The following CACNA1B variants were observed in gnomAD, a reference collection of about 807,000 sequenced individuals.
The protein encoded by CACNA1B is calcium voltage-gated channel subunit alpha1 B.
In CACNA1B, 70 loss-of-function variants were observed where a neutral mutation model predicts 247.2. That is an observed-to-expected ratio of 0.28 (90% CI 0.23 to 0.35). CACNA1B has a LOEUF of 0.35. Ranked by LOEUF, CACNA1B falls within the 10% of genes least tolerant of loss-of-function variation. CACNA1B has a pLI of 1.00. For missense variants in CACNA1B, 2,367 were observed against 3,197.4 expected (o/e 0.74, Z 6.26); for synonymous variants, 1,231 against 1,294.4 (o/e 0.95, Z 1.05).
chr9:138,059,511 GC>G lies in CACNA1B; in HGVS notation c.4585-138del. The G allele has an allele frequency of 1.5e-6, 1 of 653,244 alleles. No individual in the cohort carries two copies. Among genetic ancestry groups the G allele is most frequent in the East Asian group, 2.6e-5 (1 of 39,104 alleles). The allele number at this position is 653,244 out of a possible 1,614,324, so 40.5% of individuals were successfully genotyped here. A position where few individuals can be genotyped will look rare whatever the true frequency, so the allele number is the denominator to read the frequency against. ...CTGCTTACCTCTGGCCTTGTGCTGT[GC>G]CCCCTGGGGTGGCCTGTCTGCCCTG... On this transcript the variant is annotated intron_variant, in intron 30 of 46. Coordinates refer to ENST00000371372, the MANE Select transcript of CACNA1B (RefSeq NM_000718.4). This position sits in a 1 kb window ranked among gnomAD's most constrained non-coding sequence, Gnocchi z 4.2.
chr9:137,893,167 T>C (rs1189339885), intron 3 of CACNA1B, among the ~76,000 whole-genome samples: 2 of 151,002 alleles, frequency 1.3e-5, no homozygotes, highest in Non-Finnish European at 2.9e-5. Context: ...GGTGCACAGC[T>C]GCTAGAAGTG....
intron 36 of CACNA1B, among the ~76,000 whole-genome samples, chr9:138,096,147 G>A (rs1466990963): frequency 1.3e-5 from 2 of 152,148 alleles, no homozygotes; most frequent in Non-Finnish European, 2.9e-5. Context: ...TTGTTGGCCC[G>A]TAGAGTCCAA....
chr9:137,878,240 GC>G, intron 1 of CACNA1B, 23 bp downstream of exon 1: 3 of 1,233,326 alleles, frequency 2.4e-6, no homozygotes, highest in Non-Finnish European at 3.1e-6. Flanking sequence ...GCGGGGCCGG[GC>G]GGGGCCGGGC....
In CACNA1B at chr9:138,022,995, G is replaced by C; in HGVS notation, c.2268-16G>C. On this transcript the variant is annotated splice_polypyrimidine_tract_variant and intron_variant, in intron 18 of 46. Transcript: ENST00000371372. Reference sequence around the variant, plus strand: ...GGCGGCAGACGGGGCCGCGCTCACCGCCAGTCTCCCCGCAGCAGGCAGCAG... The same window carrying C: ...GGCGGCAGACGGGGCCGCGCTCACCCCCAGTCTCCCCGCAGCAGGCAGCAG... 1 of 1,481,464 alleles carries C rather than the reference G, an allele frequency of 6.8e-7. No individual in the cohort carries two copies. Among genetic ancestry groups the C allele is most frequent in the Non-Finnish European group, 8.9e-7 (1 of 1,123,372 alleles). 91.8% of individuals were successfully genotyped at this position (1,481,464 alleles called of 1,614,324 possible).
At chr9:138,063,913 G>T (rs918137628) in intron 31 of CACNA1B, among the ~76,000 whole-genome samples, 4 of 152,190 alleles carry the variant, frequency 2.6e-5, no homozygotes, top group African/African-American at 7.2e-5. Flanking sequence ...TGGCTGGGGG[G>T]TGTCGGTGTT....
At position 137,971,689 on chromosome 9, in the gene CACNA1B, G is replaced by C; in HGVS notation, c.1543+97G>C. The C allele has an allele frequency of 1.0e-6, 1 of 1,002,856 alleles. No homozygotes were observed. Among genetic ancestry groups the C allele is most frequent in the Non-Finnish European group, 1.5e-6 (1 of 667,258 alleles). The allele number at this position is 1,002,856 out of a possible 1,614,324, so 62.1% of individuals were successfully genotyped here. A position where few individuals can be genotyped will look rare whatever the true frequency, so the allele number is the denominator to read the frequency against. On this transcript the variant is annotated intron_variant, in intron 11 of 46. Transcript: ENST00000371372. This position sits in a 1 kb window ranked among gnomAD's most constrained non-coding sequence, Gnocchi z 4.4. ...GCCCTGGGGCTACCCCAGGTGGGAC[G>C]GGACCCACCCCCATGTTGCTCAAAG...
At chr9:138,108,691 C>T (rs886783710) in intron 39 of CACNA1B, among the ~76,000 whole-genome samples, 5 of 151,908 alleles carry the variant, frequency 3.3e-5, no homozygotes, top group African/African-American at 1.2e-4. Context: ...CTCTGTTGCC[C>T]AGGCTGGAGT....
rs113560592 is a variant in CACNA1B at position 137,930,028 on chromosome 9, C to T, written c.966+12597C>T. On this transcript the variant is annotated intron_variant, in intron 6 of 46. Coordinates refer to ENST00000371372, the MANE Select transcript of CACNA1B (RefSeq NM_000718.4). ...CCCAGACTGGTCTTGAACTCCTGGC[C>T]TCAAGTGATCCTCCCACCTTGGCCT... Among the ~76,000 whole-genome samples, 1,186 of 152,246 alleles carry T rather than the reference C, an allele frequency of 7.8e-3. 6 individuals are homozygous for T. The highest frequency in any genetic ancestry group is 0.012 in the South Asian group (60 of 4,822).
intron 36 of CACNA1B, among the ~76,000 whole-genome samples, chr9:138,084,269 C>G (rs1960622660): frequency 6.6e-6 from 1 of 151,250 alleles, no homozygotes; most frequent in African/African-American, 2.4e-5. Flanking sequence ...CTCTGAGCAC[C>G]TGCACCTGGA....
rs1958567925 is a variant in CACNA1B, at chr9:138,000,820, C to T, written c.1975-5947C>T. The stretch of plus-strand genomic sequence containing the variant: ...CCAGTGAAAGTAGATTCATTCAAAT[C>T]TCATGGCATAAAGCTTCCATAATAT... On this transcript the variant is annotated intron_variant, in intron 15 of 46. Coordinates refer to ENST00000371372, the MANE Select transcript of CACNA1B (RefSeq NM_000718.4). Among the ~76,000 whole-genome samples, 3 of 152,162 alleles carry T rather than the reference C, an allele frequency of 2.0e-5. No individual in the cohort carries two copies. In the South Asian group the frequency reaches 6.2e-4, roughly 32 times the overall value.
intron 3 of CACNA1B, among the ~76,000 whole-genome samples, chr9:137,884,966 C>CCCCT (rs1554919682): frequency 4.9e-4 from 53 of 107,720 alleles, no homozygotes; most frequent in South Asian, 6.5e-4. Context: ...TTCCCCCCCC[C>CCCCT]CCTCCTCCCA....
rs181038379 is a variant in CACNA1B at position 138,049,304 on chromosome 9, G to A, written c.3699G>A (p.Ala1233=). ...TTGTGGTCAGTGGCGCCCTGGTGGCGTTTGCTTTCTCGTAAGTAACGTTCG... is the reference window on the plus strand; with the variant it reads ...TTGTGGTCAGTGGCGCCCTGGTGGCATTTGCTTTCTCGTAAGTAACGTTCG... The part of the protein sequence containing the change: ...DFIVVSGALV[A]FAFSGSKGKD... Residue 1233 remains alanine, a synonymous_variant, in exon 24 of 47, where the codon GCG becomes GCA. Coordinates refer to ENST00000371372, the MANE Select transcript of CACNA1B (RefSeq NM_000718.4). 7.7e-5 allele frequency: 123 copies of A among 1,606,752 alleles called. 2 individuals carry two copies. Among genetic ancestry groups the A allele is most frequent in the South Asian group, 7.6e-4 (69 of 90,940 alleles).
At chr9:138,002,726 T>C (rs925762075) in intron 15 of CACNA1B, among the ~76,000 whole-genome samples, 2 of 151,892 alleles carry the variant, frequency 1.3e-5, no homozygotes, top group African/African-American at 2.4e-5. Context: ...GAAAAAAATA[T>C]ATATTATGAA....
intron 32 of CACNA1B, among the ~76,000 whole-genome samples, chr9:138,071,809 CTG>C (rs1267993922): frequency 3.3e-5 from 5 of 152,158 alleles, no homozygotes; most frequent in African/African-American, 1.2e-4. Flanking sequence ...CACTGCCTGA[CTG>C]TGCTTTGAGC....
chr9:137,955,680 C>T lies in CACNA1B; in HGVS notation c.1071-18C>T. ...CTTGCACTCACCTGATCTTGCTTTT[C>T]CGGCCCCTGCATGGTAGGGAGTTTG... On this transcript the variant is annotated intron_variant, in intron 7 of 46. Transcript: ENST00000371372. This position sits in a 1 kb window ranked among gnomAD's most constrained non-coding sequence, Gnocchi z 6.9. 6.4e-7 allele frequency: 1 copy of T among 1,574,318 alleles called. No individual in the cohort carries two copies. The highest frequency in any genetic ancestry group is 8.7e-7 in the Non-Finnish European group (1 of 1,148,226).
At chr9:138,062,760 G>T (rs1959772567) in intron 31 of CACNA1B, among the ~76,000 whole-genome samples, 1 of 152,234 alleles carries the variant, frequency 6.6e-6, no homozygotes, top group Admixed American at 6.5e-5. Flanking sequence ...GACCCTGGGG[G>T]TTGCTGGGTT....
In CACNA1B at chr9:138,124,596, CTT is replaced by C. The variant is rs980010216; in HGVS notation, c.*2598_*2599del. 2.6e-5 allele frequency: 4 copies of C among 152,174 alleles called. No individual in the cohort carries two copies. Among genetic ancestry groups the C allele is most frequent in the Non-Finnish European group, 5.9e-5 (4 of 68,042 alleles). 9.4% of individuals were successfully genotyped at this position (152,174 alleles called of 1,614,324 possible). ...CAAAGTCCTTGAATTAAAATAAAAA[CTT>C]AGCAAAAAATCAAAAACAAAACCCC... On this transcript the variant is annotated 3_prime_UTR_variant, in exon 47 of 47. Transcript: ENST00000371372.
rs541594878 is a variant in CACNA1B, at chr9:138,028,023, C to CTT, written c.3286+2878_3286+2879dup. On this transcript the variant is annotated intron_variant, in intron 20 of 46. Transcript: ENST00000371372. The stretch of plus-strand genomic sequence containing the variant: ...GGTCTCATTTCCACTCCCCCCCAAC[C>CTT]TTTTTTTTTTTTTTTTTTTTTTTTT... Among the ~76,000 whole-genome samples, 375 of 98,780 alleles carry CTT rather than the reference C, an allele frequency of 3.8e-3. 37 individuals carry two copies. Among genetic ancestry groups the CTT allele is most frequent in the African/African-American group, 7.7e-3 (178 of 23,214 alleles). 64.8% of individuals were successfully genotyped at this position (98,780 alleles called of 152,430 possible). A position where few individuals can be genotyped will look rare whatever the true frequency, so the allele number is the denominator to read the frequency against.
Position 137,882,047 on chromosome 9 carries a change from T to TCA in CACNA1B, c.391-697_391-696insCA, listed in dbSNP as rs2133220123. ...TGGCTGCCTCCAGGGTCCTCACAGA[T>TCA]GTGGCGGTCGTCGCTCAGCACACTC... On this transcript the variant is annotated intron_variant, in intron 2 of 46. Coordinates refer to ENST00000371372, the MANE Select transcript of CACNA1B (RefSeq NM_000718.4). The surrounding 1 kb of genome is among the most constrained non-coding windows in gnomAD (Gnocchi z 4.0). Among the ~76,000 whole-genome samples, 1 of 152,272 alleles carries TCA rather than the reference T, an allele frequency of 6.6e-6. No homozygotes were observed. The highest frequency in any genetic ancestry group is 6.5e-5 in the Admixed American group (1 of 15,294).
Sources: allele counts gnomAD v4.1 joint callset (sites outside exome capture counted in the v4.1 genomes callset), GRCh38; gene constraint gnomAD v4.1.1; non-coding constraint Gnocchi (gnomAD v3.1); transcripts MANE v1.5; gene names NCBI Gene and HGNC (gene_info 2026-07-23, HGNC 2026-07-21).